Variants in SASH1 observed in about 807,000 individuals in gnomAD.
The protein encoded by SASH1 is SAM and SH3 domain-containing protein 1.
In SASH1, 44 loss-of-function variants were observed where a neutral mutation model predicts 125.2. The ratio of observed to expected loss-of-function variants is 0.35; its 90% CI spans 0.28 to 0.45. The LOEUF (loss-of-function observed/expected upper bound fraction) is 0.45, where lower values mean the gene tolerates loss of function less well. Ranked by LOEUF, SASH1 falls within the 20% of genes least tolerant of loss-of-function variation. SASH1 has a pLI of 1.00. For synonymous variants in SASH1, 639 were observed against 649.1 expected, an observed-to-expected ratio of 0.98 and a Z score of 0.24; for missense variants, 1,426 against 1,614.5, an observed-to-expected ratio of 0.88 and a Z score of 2.00.
intron 4 of SASH1, among the ~76,000 whole-genome samples, chr6:148,450,488 T>C (rs1777040477): frequency 1.3e-5 from 2 of 152,136 alleles, no homozygotes; most frequent in South Asian, 4.1e-4. Flanking sequence ...GAAGGACTGC[T>C]TCTCACTGAG....
chr6:148,520,106 C>A, intron 10 of SASH1: 1 of 558,724 alleles, frequency 1.8e-6, no homozygotes, highest in Non-Finnish European at 3.2e-6. Flanking sequence ...GGCAGAAAGG[C>A]AAAGGGGGCG....
At chr6:148,334,296 C>T (rs1455679471) in intron 1 of SASH1, among the ~76,000 whole-genome samples, 2 of 147,546 alleles carry the variant, frequency 1.4e-5, no homozygotes, top group Admixed American at 1.3e-4. Flanking sequence ...GGCGTGATGG[C>T]GGGCGCCTGT....
rs562968457 is a variant in SASH1, at chr6:148,512,349, T to C, written c.730-1975T>C. On this transcript the variant is annotated intron_variant, in intron 8 of 19. Coordinates refer to ENST00000367467, the MANE Select transcript of SASH1 (RefSeq NM_015278.5). ...TCTAGGTTTGTCCCGTTGATAGTTATAGAGACTTTCTATAACATAATGTTG... is the reference window on the plus strand; with the variant it reads ...TCTAGGTTTGTCCCGTTGATAGTTACAGAGACTTTCTATAACATAATGTTG... 271 of 426,772 alleles carry C rather than the reference T, an allele frequency of 6.3e-4. 3 individuals carry two copies. Among genetic ancestry groups the C allele is most frequent in the African/African-American group, 4.5e-3 (208 of 46,470 alleles). 26.4% of individuals were successfully genotyped at this position (426,772 alleles called of 1,614,324 possible).
chr6:148,541,080 G>A (rs564153512), intron 17 of SASH1, among the ~76,000 whole-genome samples: 10 of 151,972 alleles, frequency 6.6e-5, no homozygotes, highest in African/African-American at 1.9e-4. Context: ...AGTCTTAAGT[G>A]GTATGGGGTC....
At chr6:148,497,030 G>A (rs989565436) in intron 8 of SASH1, among the ~76,000 whole-genome samples, 7 of 151,948 alleles carry the variant, frequency 4.6e-5, no homozygotes, top group Non-Finnish European at 1.0e-4. Context: ...GGAGATTATA[G>A]GAGGAAGTAT....
chr6:148,514,553 A>G, intron 9 of SASH1, 97 bp downstream of exon 9: 1 of 1,357,108 alleles, frequency 7.4e-7, no homozygotes, highest in Non-Finnish European at 9.6e-7. Context: ...GAAAAGGGAT[A>G]CGATTTCAAG....
chr6:148,222,867 TATC>T, the SASH1 span, among the ~76,000 whole-genome samples: 1 of 152,080 alleles, frequency 6.6e-6, no homozygotes, highest in South Asian at 2.1e-4. Flanking sequence ...AAACTTCTCT[TATC>T]ATTACATCAC....
intron 17 of SASH1, among the ~76,000 whole-genome samples, chr6:148,542,001 AT>A (rs890332541): frequency 6.6e-6 from 1 of 151,848 alleles, no homozygotes; most frequent in African/African-American, 2.4e-5. Flanking sequence ...GTTCTGAAGA[AT>A]TTTTTTTTCT....
Position 148,520,260 on chromosome 6 carries a change from A to G in SASH1, c.1209+367A>G, listed in dbSNP as rs1583293504. On this transcript the variant is annotated intron_variant, in intron 10 of 19. Transcript: ENST00000367467. ...GCCTGCCTCAGACAGGACCCTGAGC[A>G]AGGCTGAGAGACAGGACCTGAGGCG... is the stretch of plus-strand genomic sequence containing the variant. 10 of 207,154 alleles carry G rather than the reference A, an allele frequency of 4.8e-5. No individual in the cohort carries two copies. In the South Asian group the frequency reaches 1.0e-3, roughly 21 times the overall value. The allele number at this position is 207,154 out of a possible 1,614,324, so 12.8% of individuals were successfully genotyped here. A position where few individuals can be genotyped will look rare whatever the true frequency, so the allele number is the denominator to read the frequency against.
chr6:148,356,438 G>A (rs183377203), intron 1 of SASH1, among the ~76,000 whole-genome samples: 2 of 149,850 alleles, frequency 1.3e-5, no homozygotes, highest in Admixed American at 1.3e-4. Flanking sequence ...TTTTCCTCTG[G>A]GTAGATACCC....
At chr6:148,394,460 A>C (rs1352757122) in intron 2 of SASH1, among the ~76,000 whole-genome samples, 3 of 152,310 alleles carry the variant, frequency 2.0e-5, no homozygotes, top group Non-Finnish European at 4.4e-5. Context: ...TGTGACTTCC[A>C]GTCTGTCATG....
intron 8 of SASH1, chr6:148,508,640 G>C: frequency 1.7e-6 from 2 of 1,156,692 alleles, no homozygotes; most frequent in Non-Finnish European, 2.2e-6. Flanking sequence ...TCAGCAAGCA[G>C]AAAGAAGCTA....
At chr6:148,273,950 G>C (rs1448396754) in intron 1 of SASH1, among the ~76,000 whole-genome samples, 1 of 152,234 alleles carries the variant, frequency 6.6e-6, no homozygotes, top group African/African-American at 2.4e-5. Flanking sequence ...AGAAATGTCA[G>C]TTTGGGCATT....
intron 1 of SASH1, among the ~76,000 whole-genome samples, chr6:148,292,960 G>A (rs185524887): frequency 4.7e-4 from 71 of 152,070 alleles, no homozygotes; most frequent in African/African-American, 1.6e-3. Context: ...GCTGAGGCAG[G>A]AGAATCACTT....
rs566222300 is a variant in SASH1 at position 148,533,558 on chromosome 6, C to T, written c.1735-213C>T. ...TGGAGGGGCTGTGACCGGGGGCCTGCGTGGAATTCCGTACAGTCAGAGACA... is the reference window on the plus strand; with the variant it reads ...TGGAGGGGCTGTGACCGGGGGCCTGTGTGGAATTCCGTACAGTCAGAGACA... On this transcript the variant is annotated intron_variant, in intron 14 of 19. Coordinates refer to ENST00000367467, the MANE Select transcript of SASH1 (RefSeq NM_015278.5). This position sits in a 1 kb window ranked among gnomAD's most constrained non-coding sequence, Gnocchi z 6.2. Among the ~76,000 whole-genome samples the T allele has an allele frequency of 1.3e-5, 2 of 152,186 alleles. No individual in the cohort carries two copies. The highest frequency in any genetic ancestry group is 2.1e-4 in the South Asian group (1 of 4,818).
the SASH1 span, among the ~76,000 whole-genome samples, chr6:148,267,246 C>G: frequency 6.6e-6 from 1 of 152,094 alleles, no homozygotes; most frequent in Admixed American, 6.5e-5. Flanking sequence ...ATCAAGTCAG[C>G]GGTTCTAAAC....
intron 16 of SASH1, among the ~76,000 whole-genome samples, chr6:148,535,593 T>C: frequency 6.6e-6 from 1 of 152,236 alleles, no homozygotes; most frequent in Non-Finnish European, 1.5e-5. Context: ...CCAACCTAAA[T>C]GACAGCTTAT....
At chr6:148,247,020 G>A in the SASH1 span, among the ~76,000 whole-genome samples, 3 of 152,256 alleles carry the variant, frequency 2.0e-5, no homozygotes, top group East Asian at 5.8e-4. Context: ...TGAAAATAAG[G>A]GAAGAAGGCC....
intron 2 of SASH1, among the ~76,000 whole-genome samples, chr6:148,432,495 T>C (rs1172883322): frequency 6.6e-6 from 1 of 152,208 alleles, no homozygotes; most frequent in Non-Finnish European, 1.5e-5. Flanking sequence ...CTTCCATTAA[T>C]TGCATGCATC....
Sources: allele counts gnomAD v4.1 joint callset (sites outside exome capture counted in the v4.1 genomes callset), GRCh38; gene constraint gnomAD v4.1.1; non-coding constraint Gnocchi (gnomAD v3.1); transcripts MANE v1.5; gene names NCBI Gene and HGNC (gene_info 2026-07-23, HGNC 2026-07-21).